The following CLSTN2 variants were observed in gnomAD, a reference collection of about 807,000 sequenced individuals.
CLSTN2 encodes calsyntenin 2, also known as calsyntenin-2.
A neutral mutation model predicts 101.2 loss-of-function variants in CLSTN2; 48 were observed. The observed-to-expected ratio is 0.47, with a 90% confidence interval of 0.38 to 0.60. CLSTN2 has a LOEUF of 0.60. CLSTN2 is among the 20% of genes least tolerant of loss of function. CLSTN2 has a pLI of 0.00. For missense variants in CLSTN2, 1,160 were observed against 1,238.2 expected (o/e 0.94, Z 0.95); for synonymous variants, 481 against 463.6 (o/e 1.04, Z -0.48).
chr3:139,972,439 G>A lies in CLSTN2; in HGVS notation c.109+36956G>A, dbSNP rs148628811. Among the ~76,000 whole-genome samples, 1,035 of 152,292 alleles carry A rather than the reference G, an allele frequency of 6.8e-3. 3 individuals are homozygous for A. The highest frequency in any genetic ancestry group is 9.0e-3 in the Non-Finnish European group (615 of 68,032). ...TTATTGTTAGCATCTCTCTGGGGATGTGAATACTAAGCTGAGTGGAGAGGA... is the reference window on the plus strand; with the variant it reads ...TTATTGTTAGCATCTCTCTGGGGATATGAATACTAAGCTGAGTGGAGAGGA... On this transcript the variant is annotated intron_variant, in intron 1 of 16. Transcript: ENST00000458420.
intron 1 of CLSTN2, among the ~76,000 whole-genome samples, chr3:139,976,215 C>T (rs769070696): frequency 5.3e-5 from 8 of 152,146 alleles, no homozygotes; most frequent in Admixed American, 2.0e-4. Flanking sequence ...TCGGGAGCCT[C>T]CTGGTGGGAT....
At position 140,160,501 on chromosome 3, in the gene CLSTN2, C is replaced by T. The variant is rs552803984; in HGVS notation, c.110-15450C>T. On this transcript the variant is annotated intron_variant, in intron 1 of 16. Transcript: ENST00000458420. ...ATTTTATGACTCAGGAATGACTTTT[C>T]CTCCTGAGACATTCTCAATTTCATG... is the stretch of plus-strand genomic sequence containing the variant. 6.6e-5 allele frequency among the ~76,000 whole-genome samples: 10 copies of T among 152,224 alleles called. No individual in the cohort carries two copies. The South Asian group carries it at 8.3e-4, about 13-fold the overall frequency.
intron 1 of CLSTN2, among the ~76,000 whole-genome samples, chr3:139,968,417 C>T (rs979626973): frequency 4.6e-5 from 7 of 152,156 alleles, no homozygotes; most frequent in Non-Finnish European, 8.8e-5. Flanking sequence ...GAGGTGAACC[C>T]CTCATGAGTT....
At chr3:140,131,174 G>A (rs144901495) in intron 1 of CLSTN2, among the ~76,000 whole-genome samples, 32 of 151,622 alleles carry the variant, frequency 2.1e-4, no homozygotes, top group East Asian at 1.9e-3. Context: ...AAAAAAATCC[G>A]GGCTTTATTT....
intron 1 of CLSTN2, among the ~76,000 whole-genome samples, chr3:139,970,775 C>T (rs1406882718): frequency 6.6e-6 from 1 of 152,154 alleles, no homozygotes; most frequent in Non-Finnish European, 1.5e-5. Flanking sequence ...GTAACTGTAG[C>T]CTCCTCAAGT....
chr3:140,025,764 G>T (rs545133593), intron 1 of CLSTN2, among the ~76,000 whole-genome samples: 2 of 152,320 alleles, frequency 1.3e-5, no homozygotes, highest in South Asian at 4.1e-4. Flanking sequence ...TGAGTGTACT[G>T]CTCTACTGCA....
chr3:140,303,559 T>C (rs145264721), intron 2 of CLSTN2, among the ~76,000 whole-genome samples: 66 of 152,272 alleles, frequency 4.3e-4, no homozygotes, highest in African/African-American at 1.4e-3. Context: ...CAGAGGTCTC[T>C]ACAGTTTACA....
chr3:140,442,589 A>G (rs1284849353), intron 5 of CLSTN2, among the ~76,000 whole-genome samples: 2 of 152,138 alleles, frequency 1.3e-5, no homozygotes, highest in African/African-American at 4.8e-5. Context: ...CAATGAATTG[A>G]AGTTAATTCC....
intron 2 of CLSTN2, among the ~76,000 whole-genome samples, chr3:140,366,856 A>G (rs929146705): frequency 1.3e-5 from 2 of 152,226 alleles, no homozygotes; most frequent in African/African-American, 4.8e-5. Context: ...GAAATGTTGA[A>G]GAGCCGATGT....
Position 140,035,759 on chromosome 3 carries a change from A to G in CLSTN2, c.109+100276A>G, listed in dbSNP as rs116762747. Reference sequence around the variant, plus strand: ...AAGCTACTTCACTGACTGAACACCAAAAGTTTTAGTATGGCTGTTAAGTCC... The same window carrying G: ...AAGCTACTTCACTGACTGAACACCAGAAGTTTTAGTATGGCTGTTAAGTCC... On this transcript the variant is annotated intron_variant, in intron 1 of 16. Transcript: ENST00000458420. Among the ~76,000 whole-genome samples the G allele has an allele frequency of 4.6e-3, 706 of 152,298 alleles. 3 individuals carry two copies. Among genetic ancestry groups the G allele is most frequent in the African/African-American group, 0.016 (669 of 41,552 alleles).
intron 10 of CLSTN2, among the ~76,000 whole-genome samples, chr3:140,555,796 C>T (rs1015791632): frequency 2.6e-5 from 4 of 152,118 alleles, no homozygotes; most frequent in Admixed American, 6.5e-5. Context: ...ATGGAGAGGG[C>T]AAGGATCTAT....
At chr3:140,230,770 G>A (rs543657240) in intron 2 of CLSTN2, among the ~76,000 whole-genome samples, 1 of 152,254 alleles carries the variant, frequency 6.6e-6, no homozygotes, top group Non-Finnish European at 1.5e-5. Context: ...GAACCAACTG[G>A]CACAGCAATT....
At chr3:140,508,656 A>G (rs1465056418) in intron 8 of CLSTN2, 3 of 152,172 alleles carry the variant, frequency 2.0e-5, no homozygotes, top group Non-Finnish European at 4.4e-5. Flanking sequence ...CTAATTGCCA[A>G]ATTTAAGACA....
At chr3:139,967,095 C>A (rs1455416627) in intron 1 of CLSTN2, among the ~76,000 whole-genome samples, 1 of 152,146 alleles carries the variant, frequency 6.6e-6, no homozygotes, top group Non-Finnish European at 1.5e-5. Context: ...AGGGCCTAGG[C>A]AGGGCTGACC....
At chr3:139,964,502 AGT>A (rs1218735644) in intron 1 of CLSTN2, among the ~76,000 whole-genome samples, 3 of 152,122 alleles carry the variant, frequency 2.0e-5, no homozygotes, top group African/African-American at 7.2e-5. Context: ...TTGGTTTCAA[AGT>A]GTCATCTGGA....
At chr3:140,148,998 G>C (rs1254338730) in intron 1 of CLSTN2, among the ~76,000 whole-genome samples, 1 of 152,160 alleles carries the variant, frequency 6.6e-6, no homozygotes, top group Non-Finnish European at 1.5e-5. Context: ...GGAGGTCCTT[G>C]AGCCTGCTGG....
intron 2 of CLSTN2, among the ~76,000 whole-genome samples, chr3:140,288,697 C>A (rs1446098369): frequency 6.6e-6 from 1 of 152,204 alleles, no homozygotes; most frequent in Non-Finnish European, 1.5e-5. Context: ...GACTAATTAT[C>A]TCTTATGATA....
intron 2 of CLSTN2, among the ~76,000 whole-genome samples, chr3:140,205,589 T>G (rs1376472494): frequency 6.8e-6 from 1 of 147,552 alleles, no homozygotes; most frequent in Non-Finnish European, 1.5e-5. Flanking sequence ...GATTGAGGAT[T>G]GGGTACAGTT....
intron 1 of CLSTN2, among the ~76,000 whole-genome samples, chr3:140,089,341 G>T (rs941681537): frequency 1.5e-4 from 23 of 152,112 alleles, no homozygotes; most frequent in Non-Finnish European, 4.4e-5. Flanking sequence ...TTCACCCTTG[G>T]ATTATGTGGC....
Sources: allele counts gnomAD v4.1 joint callset (sites outside exome capture counted in the v4.1 genomes callset), GRCh38; gene constraint gnomAD v4.1.1; transcripts MANE v1.5; gene names NCBI Gene and HGNC (gene_info 2026-07-23, HGNC 2026-07-21).